The following RAD51B variants were observed in gnomAD, a reference collection of about 807,000 sequenced individuals.
RAD51B encodes DNA repair protein RAD51 homolog 2.
A neutral mutation model predicts 42.2 loss-of-function variants in RAD51B; 38 were observed. The ratio of observed to expected loss-of-function variants is 0.90; its 90% CI spans 0.70 to 1.18. The LOEUF (loss-of-function observed/expected upper bound fraction) is 1.18, where lower values mean the gene tolerates loss of function less well. Among genes scored for constraint, RAD51B ranks in the 50% most tolerant of loss-of-function variants. The pLI, the probability that RAD51B is intolerant of heterozygous loss-of-function variation, is 0.00. For missense variants in RAD51B, 373 were observed against 400.7 expected (o/e 0.93, Z 0.59); for synonymous variants, 154 against 145.2 (o/e 1.06, Z -0.43).
intron 7 of RAD51B, among the ~76,000 whole-genome samples, chr14:68,110,920 C>G (rs2077450291): frequency 6.6e-6 from 1 of 152,038 alleles, no homozygotes; most frequent in African/African-American, 2.4e-5. Flanking sequence ...TATATTTTGA[C>G]TAATTCCAGG....
intron 7 of RAD51B, among the ~76,000 whole-genome samples, chr14:68,106,372 G>C (rs2077377113): frequency 6.6e-6 from 1 of 151,828 alleles, no homozygotes; most frequent in South Asian, 2.1e-4. Context: ...TTTCTAGCAT[G>C]GTTAATATAT....
At chr14:67,979,811 T>A (rs898415550) in intron 7 of RAD51B, among the ~76,000 whole-genome samples, 1 of 152,164 alleles carries the variant, frequency 6.6e-6, no homozygotes, top group Non-Finnish European at 1.5e-5. Context: ...CTGGAGTCTT[T>A]TATACTTCTG....
intron 10 of RAD51B, among the ~76,000 whole-genome samples, chr14:68,485,912 G>T (rs1594901444): frequency 6.6e-6 from 1 of 152,208 alleles, no homozygotes; most frequent in African/African-American, 2.4e-5. Context: ...TTTCAAATGA[G>T]TCAGAGAAAT....
chr14:67,832,987 T>A (rs1167284520), intron 3 of RAD51B, among the ~76,000 whole-genome samples: 1 of 152,100 alleles, frequency 6.6e-6, no homozygotes, highest in Non-Finnish European at 1.5e-5. Flanking sequence ...ACTTTTGTAG[T>A]TCTAAATACA....
intron 11 of RAD51B, among the ~76,000 whole-genome samples, chr14:68,678,037 C>G (rs1893349613): frequency 6.6e-6 from 1 of 152,200 alleles, no homozygotes. Context: ...ATCTCGTTAA[C>G]CTGCACTACA....
intron 11 of RAD51B, among the ~76,000 whole-genome samples, chr14:68,682,707 G>A (rs1226694178): frequency 2.1e-5 from 3 of 142,380 alleles, no homozygotes; most frequent in African/African-American, 7.5e-5. Flanking sequence ...CGCCCCCCAC[G>A]ATCAGCTGGA....
Position 67,835,059 on chromosome 14 carries a change from C to T in RAD51B, c.199-21C>T, listed in dbSNP as rs35183950. 7.5e-3 allele frequency: 11,124 copies of T among 1,488,820 alleles called. 239 individuals carry two copies. In the African/African-American group the frequency reaches 0.079, roughly 11 times the overall value. 92.2% of individuals were successfully genotyped at this position (1,488,820 alleles called of 1,614,324 possible). A position where few individuals can be genotyped will look rare whatever the true frequency, so the allele number is the denominator to read the frequency against. On this transcript the variant is annotated intron_variant, in intron 3 of 10. Transcript: ENST00000471583. ...AATATATATAGAGGTTGAAAAAAAACTTAATCATTTTCTTGTTTAGGCTTA... is the reference window on the plus strand; with the variant it reads ...AATATATATAGAGGTTGAAAAAAAATTTAATCATTTTCTTGTTTAGGCTTA...
At chr14:68,259,695 T>C (rs549151128) in intron 7 of RAD51B, among the ~76,000 whole-genome samples, 1 of 152,174 alleles carries the variant, frequency 6.6e-6, no homozygotes, top group South Asian at 2.1e-4. Flanking sequence ...AGATTAAGGG[T>C]CAGCACAGAT....
At chr14:68,072,070 A>ATAATTATATATAATT (rs1440869222) in intron 7 of RAD51B, among the ~76,000 whole-genome samples, 58 of 104,474 alleles carry the variant, frequency 5.6e-4, no homozygotes, top group East Asian at 2.0e-3. Context: ...TATTTATATA[A>ATAATTATATATAATT]ATATATAAAT....
chr14:68,647,171 G>A (rs1566963181), intron 10 of RAD51B, among the ~76,000 whole-genome samples: 1 of 152,086 alleles, frequency 6.6e-6, no homozygotes, highest in Non-Finnish European at 1.5e-5. Flanking sequence ...TGCTTCACCT[G>A]TTGATTTTTT....
intron 10 of RAD51B, among the ~76,000 whole-genome samples, chr14:68,502,397 C>A (rs140219164): frequency 9.5e-4 from 144 of 152,322 alleles, no homozygotes; most frequent in Non-Finnish European, 1.5e-3. Context: ...CGACTCCCCC[C>A]ACGGGCCGCC....
Position 68,468,207 on chromosome 14 carries a change from C to G in RAD51B, c.993C>G (p.Thr331=). ...CCAAGTCCCCTCTGGCTCCCTTCAC[C>G]TCATTTGTCTACACCATCAAGGAGG... ...LIAKSPLAPF[T]SFVYTIKEEG... is the part of the protein sequence containing the mutation. The change falls in exon 10 of 11, where the codon ACC becomes ACG. Residue 331 remains threonine, a synonymous_variant. Coordinates refer to ENST00000471583, the MANE Select transcript of RAD51B (RefSeq NM_133510.4). 6.2e-7 allele frequency: 1 copy of G among 1,614,068 alleles called. No homozygotes were observed. The highest frequency in any genetic ancestry group is 8.5e-7 in the Non-Finnish European group (1 of 1,179,958).
chr14:68,129,320 G>A (rs892107891), intron 7 of RAD51B, among the ~76,000 whole-genome samples: 1 of 152,142 alleles, frequency 6.6e-6, no homozygotes, highest in African/African-American at 2.4e-5. Flanking sequence ...AACTCTATGA[G>A]TTTAGAGTTT....
At chr14:68,267,141 GA>G (rs1158410401) in intron 7 of RAD51B, among the ~76,000 whole-genome samples, 1 of 152,146 alleles carries the variant, frequency 6.6e-6, no homozygotes, top group East Asian at 1.9e-4. Flanking sequence ...AAAGCAACTC[GA>G]AAAGGGGAAG....
chr14:67,859,500 C>T (rs1252510539), intron 4 of RAD51B, among the ~76,000 whole-genome samples: 2 of 152,192 alleles, frequency 1.3e-5, no homozygotes, highest in African/African-American at 4.8e-5. Flanking sequence ...ATTGTATCCA[C>T]TATTGTTAAC....
At chr14:68,595,560 A>T (rs1415686453) in exon 11 of RAD51B, 11 of 1,066,562 alleles carry the variant, frequency 1.0e-5, no homozygotes, top group Non-Finnish European at 3.4e-6. Context: ...AATGGCTTTT[A>T]AGGAAGGACT....
chr14:68,633,958 G>C (rs1033494700), intron 10 of RAD51B, among the ~76,000 whole-genome samples: 5 of 152,206 alleles, frequency 3.3e-5, no homozygotes, highest in African/African-American at 4.8e-5. Context: ...TCCAAAATGT[G>C]CACAGAGAGA....
Position 68,237,821 on chromosome 14 carries a change from T to C in RAD51B, c.757-54063T>C, listed in dbSNP as rs373477580. ...TGCAATCTCAGCTCACTGCAACCTCTGCCTCCCGGTTCAAGTGATTCCCCT... is the reference window on the plus strand; with the variant it reads ...TGCAATCTCAGCTCACTGCAACCTCCGCCTCCCGGTTCAAGTGATTCCCCT... On this transcript the variant is annotated intron_variant, in intron 7 of 10. Coordinates refer to ENST00000471583, the MANE Select transcript of RAD51B (RefSeq NM_133510.4). Among the ~76,000 whole-genome samples the C allele has an allele frequency of 2.7e-5, 4 of 148,206 alleles. No individual in the cohort carries two copies. The East Asian group carries it at 8.2e-4, about 30-fold the overall frequency.
Position 68,539,075 on chromosome 14 carries a change from G to A in RAD51B, c.1037-55410G>A, listed in dbSNP as rs565600735. ...TCCCTACATTTTAGTATGGATAAATGCCTATAATTTTGCCATCTTATTCCC... is the reference window on the plus strand; with the variant it reads ...TCCCTACATTTTAGTATGGATAAATACCTATAATTTTGCCATCTTATTCCC... On this transcript the variant is annotated intron_variant, in intron 10 of 10. Coordinates refer to the RAD51B transcript ENST00000487270. 2.6e-5 allele frequency among the ~76,000 whole-genome samples: 4 copies of A among 152,250 alleles called. No individual in the cohort carries two copies. In the East Asian group the frequency reaches 7.7e-4, roughly 29 times the overall value.
Sources: gnomAD v4.1 joint callset for allele counts (sites outside exome capture counted in the v4.1 genomes callset) on GRCh38, gnomAD v4.1.1 for gene constraint, MANE v1.5 for transcripts, NCBI Gene and HGNC (gene_info 2026-07-23, HGNC 2026-07-21) for gene names.